The following PTPRJ variants were observed in gnomAD, a reference collection of about 807,000 sequenced individuals.
PTPRJ encodes protein tyrosine phosphatase receptor type J, also known as receptor-type tyrosine-protein phosphatase eta.
Under a neutral mutation model 141.3 loss-of-function variants are expected in PTPRJ, and 129 were observed. The ratio of observed to expected loss-of-function variants is 0.91; its 90% CI spans 0.79 to 1.06. The LOEUF (loss-of-function observed/expected upper bound fraction) is 1.06. Among genes scored for constraint, PTPRJ ranks in the 50% least tolerant of loss-of-function variants. The pLI is 0.00. For missense variants in PTPRJ, 1,601 were observed against 1,679.7 expected, an observed-to-expected ratio of 0.95 and a Z score of 0.82; for synonymous variants, 610 against 640.5, an observed-to-expected ratio of 0.95 and a Z score of 0.72.
intron 8 of PTPRJ, chr11:48,131,728 T>C: frequency 2.0e-6 from 1 of 501,372 alleles, no homozygotes; most frequent in Admixed American, 3.8e-5. Flanking sequence ...CTGAGATATT[T>C]ATTTTCTGGC....
intron 6 of PTPRJ, among the ~76,000 whole-genome samples, chr11:48,127,159 T>C (rs1424906553): frequency 6.6e-6 from 1 of 152,178 alleles, no homozygotes; most frequent in African/African-American, 2.4e-5. Flanking sequence ...CCCCCCATGA[T>C]GCCTTGCACA....
intron 1 of PTPRJ, among the ~76,000 whole-genome samples, chr11:48,004,551 C>A (rs570222973): frequency 6.6e-6 from 1 of 152,132 alleles, no homozygotes; most frequent in Admixed American, 6.6e-5. Flanking sequence ...GTCAGAGTTT[C>A]AAGTCATAGG....
chr11:48,140,490 A>G (rs2047812), intron 11 of PTPRJ, among the ~76,000 whole-genome samples: 117,013 of 152,126 alleles, frequency 0.77, 45,652 homozygotes, highest in East Asian at 0.84. Context: ...GCTGCTGCCA[A>G]TTTTGCAGCA....
At chr11:48,104,865 C>G (rs1189856719) in intron 1 of PTPRJ, among the ~76,000 whole-genome samples, 3 of 152,076 alleles carry the variant, frequency 2.0e-5, no homozygotes, top group Admixed American at 6.6e-5. Flanking sequence ...AGTTCAAGGA[C>G]TTCAGGGTCC....
intron 12 of PTPRJ, 77 bp downstream of exon 12, chr11:48,143,127 A>G (rs1857274224): frequency 6.5e-7 from 1 of 1,549,354 alleles, no homozygotes; most frequent in Non-Finnish European, 8.8e-7. Context: ...CCACTGAGGC[A>G]TGTGAGTAAT....
At chr11:48,020,395 G>A (rs1410361599) in intron 1 of PTPRJ, among the ~76,000 whole-genome samples, 1 of 152,174 alleles carries the variant, frequency 6.6e-6, no homozygotes, top group Non-Finnish European at 1.5e-5. Flanking sequence ...CATAGGAGGC[G>A]TGAATGCTCT....
At chr11:48,008,250 A>G (rs1194858027) in intron 1 of PTPRJ, among the ~76,000 whole-genome samples, 4 of 152,084 alleles carry the variant, frequency 2.6e-5, no homozygotes, top group African/African-American at 9.7e-5. Context: ...CACACCTTTC[A>G]CCACAATTTA....
chr11:48,051,008 C>T (rs528870159), intron 1 of PTPRJ, among the ~76,000 whole-genome samples: 8 of 145,978 alleles, frequency 5.5e-5, no homozygotes, highest in Non-Finnish European at 1.0e-4. Flanking sequence ...TTTGCCAAGG[C>T]GTCTGGTGAA....
chr11:48,150,021 T>G, intron 17 of PTPRJ, 23 bp downstream of exon 17: 1 of 1,510,790 alleles, frequency 6.6e-7, no homozygotes. Flanking sequence ...TTTATTTTTT[T>G]TAATAACTTG....
chr11:47,984,104 A>G (rs1486051724), intron 1 of PTPRJ, among the ~76,000 whole-genome samples: 1 of 152,198 alleles, frequency 6.6e-6, no homozygotes, highest in Non-Finnish European at 1.5e-5. Context: ...GAAAACAGCA[A>G]ATTGGTTTAT....
At chr11:48,138,110 A>T (rs1418136415) in intron 10 of PTPRJ, among the ~76,000 whole-genome samples, 1 of 152,006 alleles carries the variant, frequency 6.6e-6, no homozygotes, top group Non-Finnish European at 1.5e-5. Flanking sequence ...GGCCATTCAG[A>T]TATGTTCAGG....
intron 1 of PTPRJ, among the ~76,000 whole-genome samples, chr11:48,083,010 C>T (rs1203656744): frequency 6.6e-6 from 1 of 152,122 alleles, no homozygotes; most frequent in African/African-American, 2.4e-5. Context: ...GTGAGATGAC[C>T]TCTGAGGTTT....
At chr11:48,110,175 A>C in intron 2 of PTPRJ, 99 bp downstream of exon 2, 1 of 1,292,388 alleles carries the variant, frequency 7.7e-7, no homozygotes, top group South Asian at 1.4e-5. Context: ...AATTTATTAA[A>C]ACCTGCTCGG....
chr11:48,156,157 A>C, intron 21 of PTPRJ, 38 bp downstream of exon 21: 1 of 1,499,666 alleles, frequency 6.7e-7, no homozygotes, highest in Non-Finnish European at 9.2e-7. Context: ...TTAAAATTAC[A>C]TTAATTGCTT....
rs544693217 is a variant in PTPRJ at position 48,038,523 on chromosome 11, G to A, written c.96+57515G>A. 2.6e-5 allele frequency among the ~76,000 whole-genome samples: 4 copies of A among 151,172 alleles called. No individual in the cohort carries two copies. The East Asian group carries it at 5.9e-4, about 22-fold the overall frequency. On this transcript the variant is annotated intron_variant, in intron 1 of 24. Transcript: ENST00000418331. ...TCTTTTTTTTTTGAGATGGAGTCTC[G>A]CTCTGTCACCCAGGCTGGAGTGCAG... is the stretch of plus-strand genomic sequence containing the variant.
chr11:48,136,196 T>C lies in PTPRJ; in HGVS notation c.1773T>C (p.Ile591=), dbSNP rs1229904007. 1 of 1,614,178 alleles carries C rather than the reference T, an allele frequency of 6.2e-7. No individual in the cohort carries two copies. The highest frequency in any genetic ancestry group is 2.2e-5 in the East Asian group (1 of 44,880). The change falls in exon 9 of 25, where the codon ATT becomes ATC. Residue 591 remains isoleucine (I), a synonymous_variant. Transcript: ENST00000418331. Reference sequence around the variant, plus strand: ...ACACAAGCACGTATGACAAAGCGATTACTCTCCAGGGCCTGATTCCGGGCA... The same window carrying C: ...ACACAAGCACGTATGACAAAGCGATCACTCTCCAGGGCCTGATTCCGGGCA... ...SNHTSTYDKA[I]TLQGLIPGTL...
intron 1 of PTPRJ, among the ~76,000 whole-genome samples, chr11:48,016,293 G>A (rs1204026502): frequency 6.6e-6 from 1 of 152,214 alleles, no homozygotes; most frequent in African/African-American, 2.4e-5. Context: ...CTTCACAGCT[G>A]CTTCCCACTC....
At chr11:48,041,158 A>C (rs533709788) in intron 1 of PTPRJ, among the ~76,000 whole-genome samples, 1 of 151,924 alleles carries the variant, frequency 6.6e-6, no homozygotes. Flanking sequence ...CCTCGCAACT[A>C]GATCATTCAC....
At chr11:48,120,694 C>G (rs886753721) in intron 3 of PTPRJ, among the ~76,000 whole-genome samples, 3 of 152,104 alleles carry the variant, frequency 2.0e-5, no homozygotes, top group Non-Finnish European at 4.4e-5. Flanking sequence ...CCGCCTTGAC[C>G]TCCTAAAGTT....
Sources: gnomAD v4.1 joint callset for allele counts (sites outside exome capture counted in the v4.1 genomes callset) on GRCh38, gnomAD v4.1.1 for gene constraint, MANE v1.5 for transcripts, NCBI Gene and HGNC (gene_info 2026-07-23, HGNC 2026-07-21) for gene names.